Variants in KIF1B observed in about 807,000 individuals in gnomAD.
KIF1B encodes kinesin family member 1B.
KIF1B carries 76 observed loss-of-function variants against 241.9 expected under a neutral mutation model. The ratio of observed to expected loss-of-function variants is 0.31; its 90% confidence interval spans 0.26 to 0.38. KIF1B has a LOEUF of 0.38. KIF1B is among the 10% of genes least tolerant of loss of function. The pLI, the probability that KIF1B is intolerant of heterozygous loss-of-function variation, is 1.00. For synonymous variants in KIF1B, 750 were observed against 796.7 expected (o/e 0.94, Z 0.99); for missense variants, 1,622 against 2,271.4 (o/e 0.71, Z 5.81).
Position 10,288,319 on chromosome 1 carries a change from C to T in KIF1B, c.1435-2763C>T, listed in dbSNP as rs555620783. Among the ~76,000 whole-genome samples, 90 of 152,246 alleles carry T rather than the reference C, an allele frequency of 5.9e-4. 1 individual carries two copies. Among genetic ancestry groups the T allele is most frequent in the African/African-American group, 2.1e-3 (89 of 41,542 alleles). ...TAGATAAACTATTGAAAACTTGGTT[C>T]TTGGCCTTCTCACTCCTTAGGGAAT... On this transcript the variant is annotated intron_variant, in intron 15 of 48. Transcript: ENST00000676179.
intron 38 of KIF1B, among the ~76,000 whole-genome samples, chr1:10,356,675 G>A (rs991975196): frequency 2.0e-5 from 3 of 152,030 alleles, no homozygotes; most frequent in Non-Finnish European, 2.9e-5. Context: ...ACCGAGGCGG[G>A]CGGATCATGA....
chr1:10,294,006 C>G (rs1000471814), intron 17 of KIF1B, among the ~76,000 whole-genome samples: 1 of 152,190 alleles, frequency 6.6e-6, no homozygotes, highest in Non-Finnish European at 1.5e-5. Flanking sequence ...CAGTCAAGTT[C>G]TTCAACTACA....
At chr1:10,218,552 C>T (rs554602170) in intron 1 of KIF1B, among the ~76,000 whole-genome samples, 2 of 152,136 alleles carry the variant, frequency 1.3e-5, no homozygotes, top group South Asian at 4.2e-4. Context: ...TCCCGAGTAG[C>T]TGGGATTACA....
chr1:10,268,120 C>T (rs1648573761), intron 6 of KIF1B, 32 bp from the exon 7 acceptor site: 1 of 1,445,946 alleles, frequency 6.9e-7, no homozygotes. Flanking sequence ...TAAGAATTCC[C>T]TTGTCACGTG....
At chr1:10,268,350 G>T in intron 7 of KIF1B, 87 bp downstream of exon 7, 1 of 888,086 alleles carries the variant, frequency 1.1e-6, no homozygotes, top group Non-Finnish European at 1.9e-6. Flanking sequence ...TTTTGTGGAA[G>T]GTTGGGTGTT....
chr1:10,313,446 A>C (rs1263071184), intron 22 of KIF1B, among the ~76,000 whole-genome samples: 2 of 151,442 alleles, frequency 1.3e-5, no homozygotes, highest in African/African-American at 4.9e-5. Context: ...ATACAAAATA[A>C]GCTTAAAAAC....
chr1:10,301,296 A>C (rs1650529134), intron 22 of KIF1B, among the ~76,000 whole-genome samples: 1 of 152,154 alleles, frequency 6.6e-6, no homozygotes, highest in South Asian at 2.1e-4. Context: ...AACTATTTTC[A>C]TTTACTAGAC....
chr1:10,211,519 C>T (rs1400541479), intron 1 of KIF1B: 1 of 152,202 alleles, frequency 6.6e-6, no homozygotes, highest in Non-Finnish European at 1.5e-5. Context: ...CTGACAAATC[C>T]TTTAGGAGCC....
chr1:10,365,540 G>C lies in KIF1B; in HGVS notation c.4644G>C (p.Gln1548His), dbSNP rs199611419. 2 of 1,614,108 alleles carry C rather than the reference G, an allele frequency of 1.2e-6. No homozygotes were observed. The highest frequency in any genetic ancestry group is 1.7e-6 in the Non-Finnish European group (2 of 1,180,032). Residue 1548 changes from glutamine (Q) to histidine (H), a missense_variant, in exon 43 of 49, where the codon CAG (glutamine) becomes CAC (histidine). Physicochemically the swap from Gln to His is conservative, Grantham distance 24. Around this residue, in one of 7 missense-constraint regions of KIF1B, gnomAD observed 357 missense variants for 409.0 expected, o/e 0.87. Transcript: ENST00000676179. The surrounding 1 kb of genome is among the most constrained non-coding windows in gnomAD (Gnocchi z 4.0). ...TLSTSTSISS[Q>H]ISTTTFESAI... ...GCACCTCCACCAGTATCTCCTCTCA[G>C]ATCTCAACCACTACCTTTGAAAGCG...
Position 10,321,786 on chromosome 1 carries a change from C to A in KIF1B, c.2287C>A (p.Arg763=). ...KWKSHQFTSL[R]DLLWGNAVYL... ...GAAGTCTCATCAGTTTACTTCATTA[C>A]GGGACTTACTCTGGGGCAATGCCGT... Residue 763 remains arginine, a synonymous_variant, in exon 24 of 49, where the codon CGG becomes AGG. Coordinates refer to ENST00000676179, the MANE Select transcript of KIF1B (RefSeq NM_001365951.3). The A allele has an allele frequency of 1.2e-6, 2 of 1,614,116 alleles. No homozygotes were observed. The highest frequency in any genetic ancestry group is 1.7e-6 in the Non-Finnish European group (2 of 1,179,974).
intron 22 of KIF1B, chr1:10,305,044 A>G (rs1332949515): frequency 2.8e-6 from 3 of 1,084,178 alleles, no homozygotes; most frequent in Non-Finnish European, 3.4e-6. Context: ...GGAGAATTTG[A>G]TAAGCAGAAT....
At chr1:10,235,843 C>T (rs1214422472) in intron 2 of KIF1B, among the ~76,000 whole-genome samples, 2 of 67,544 alleles carry the variant, frequency 3.0e-5, no homozygotes, top group Non-Finnish European at 5.4e-5. Context: ...GCCTGGGCAA[C>T]AAGACCAAAA....
rs566031486 is a variant in KIF1B at position 10,366,547 on chromosome 1, G to A, written c.4752+899G>A. The stretch of plus-strand genomic sequence containing the variant: ...GGAGGGAGGCAGTGGTGTCCTGCAT[G>A]ATCAGTCTTGGGGAATTCACGTGGG... On this transcript the variant is annotated intron_variant, in intron 43 of 48. Coordinates refer to ENST00000676179, the MANE Select transcript of KIF1B (RefSeq NM_001365951.3). 3.0e-4 allele frequency among the ~76,000 whole-genome samples: 46 copies of A among 152,360 alleles called. 1 individual carries two copies. In the South Asian group the frequency reaches 9.1e-3, roughly 30 times the overall value.
In KIF1B at chr1:10,379,037, G is replaced by A. The variant is rs562273364; in HGVS notation, c.*2450G>A. 1.1e-4 allele frequency: 25 copies of A among 230,746 alleles called. No individual in the cohort carries two copies. Among genetic ancestry groups the A allele is most frequent in the African/African-American group, 4.0e-4 (18 of 45,314 alleles). The allele number at this position is 230,746 out of a possible 1,614,324, so 14.3% of individuals were successfully genotyped here. On this transcript the variant is annotated 3_prime_UTR_variant, in exon 49 of 49. Coordinates refer to ENST00000676179, the MANE Select transcript of KIF1B (RefSeq NM_001365951.3). ...TCTATTCAAACCAGCAGGATCTGTCGGTGCTTAGAGATGGCTGCCTGGACT... is the reference window on the plus strand; with the variant it reads ...TCTATTCAAACCAGCAGGATCTGTCAGTGCTTAGAGATGGCTGCCTGGACT...
chr1:10,279,072 T>C (rs1301094673), intron 13 of KIF1B, 25 bp from the exon 14 acceptor site: 1 of 1,537,214 alleles, frequency 6.5e-7, no homozygotes, highest in East Asian at 2.5e-5. Flanking sequence ...ACCCTTCTCG[T>C]ATTTTCCCTC....
chr1:10,298,162 CA>C (rs1650361942), intron 22 of KIF1B, among the ~76,000 whole-genome samples: 1 of 152,160 alleles, frequency 6.6e-6, no homozygotes, highest in Non-Finnish European at 1.5e-5. Context: ...ACTGTGGATG[CA>C]GTTTAGGAAG....
Position 10,271,395 on chromosome 1 carries a change from T to C in KIF1B, c.721-107T>C. 2.4e-6 allele frequency: 2 copies of C among 826,844 alleles called. 1 individual carries two copies. Among genetic ancestry groups the C allele is most frequent in the East Asian group, 4.9e-5 (2 of 40,726 alleles). 51.2% of individuals were successfully genotyped at this position (826,844 alleles called of 1,614,324 possible). ...CCATATTTAAAAGCTCTAATACTTT[T>C]AGTTTTTTCCATACCTTAATCTTTT... On this transcript the variant is annotated intron_variant, in intron 7 of 48. Transcript: ENST00000676179.
rs750222254 is a variant in KIF1B, at chr1:10,375,304, A to T, written c.5339A>T (p.Gln1780Leu). 1 of 1,613,962 alleles carries T rather than the reference A, an allele frequency of 6.2e-7. No homozygotes were observed. The highest frequency in any genetic ancestry group is 1.1e-5 in the South Asian group (1 of 91,074). ...ACAAAGCACCGTGGGGTCCTTTTGC[A>T]GGCCCTCAATGACAAAGACATGAAC... ...VCTKHRGVLL[Q>L]ALNDKDMNDW... Residue 1780 changes from glutamine to leucine, a missense_variant, in exon 48 of 49, where the codon CAG becomes CTG. By Grantham distance (113) the Gln-to-Leu change is moderately radical. Coordinates refer to ENST00000676179, the MANE Select transcript of KIF1B (RefSeq NM_001365951.3).
intron 22 of KIF1B, among the ~76,000 whole-genome samples, chr1:10,316,233 C>CAA (rs200844995): frequency 6.7e-6 from 1 of 150,138 alleles, no homozygotes; most frequent in African/African-American, 2.5e-5. Context: ...ACCCTTTCTC[C>CAA]AAAAAAAAGG....
Sources: allele counts gnomAD v4.1 joint callset (sites outside exome capture counted in the v4.1 genomes callset), GRCh38; gene constraint gnomAD v4.1.1; regional missense constraint gnomAD v4.1.1; non-coding constraint Gnocchi (gnomAD v3.1); transcripts MANE v1.5; gene names NCBI Gene and HGNC (gene_info 2026-07-23, HGNC 2026-07-21).